NRCAM: variants seen among roughly 807,000 people sequenced by gnomAD.
NRCAM encodes the protein neuronal cell adhesion molecule.
A neutral mutation model predicts 156.5 loss-of-function variants in NRCAM; 83 were observed. The observed-to-expected ratio is 0.53, with a 90% CI of 0.44 to 0.64. NRCAM has a LOEUF of 0.64. NRCAM is among the 30% of genes least tolerant of loss of function. The pLI is 0.00. For synonymous variants in NRCAM, 538 were observed against 563.9 expected, an observed-to-expected ratio of 0.95 and a Z score of 0.65; for missense variants, 1,417 against 1,597.3, an observed-to-expected ratio of 0.89 and a Z score of 1.92.
At chr7:108,451,244 A>G (rs1255219474) in intron 1 of NRCAM, among the ~76,000 whole-genome samples, 1 of 152,098 alleles carries the variant, frequency 6.6e-6, no homozygotes, top group Non-Finnish European at 1.5e-5. Context: ...AAAGAAAGAA[A>G]AAAAAAGTAA....
intron 1 of NRCAM, among the ~76,000 whole-genome samples, chr7:108,409,968 A>T (rs1469240438): frequency 6.6e-6 from 1 of 152,230 alleles, no homozygotes; most frequent in Non-Finnish European, 1.5e-5. Context: ...AAATCAAGCC[A>T]AATATGTGTC....
intron 1 of NRCAM, among the ~76,000 whole-genome samples, chr7:108,402,125 A>G (rs2099794445): frequency 1.3e-5 from 2 of 152,202 alleles, no homozygotes; most frequent in South Asian, 2.1e-4. Context: ...GTCCATCATG[A>G]TATCTGAGTT....
intron 26 of NRCAM, 101 bp downstream of exon 26, chr7:108,177,889 C>T (rs991604849): frequency 4.8e-6 from 5 of 1,031,816 alleles, no homozygotes; most frequent in Admixed American, 2.7e-5. Flanking sequence ...TGTATCGAAA[C>T]ATCACTACGT....
At chr7:108,279,187 C>T (rs73727512) in intron 3 of NRCAM, among the ~76,000 whole-genome samples, 6,510 of 152,258 alleles carry the variant, frequency 0.043, 180 homozygotes, top group South Asian at 0.11. Context: ...TGACTAAAAT[C>T]GCTGGAAAGT....
intron 1 of NRCAM, among the ~76,000 whole-genome samples, chr7:108,415,146 G>A (rs1426958114): frequency 1.3e-5 from 2 of 152,344 alleles, no homozygotes; most frequent in South Asian, 4.1e-4. Context: ...CAAGGAATCT[G>A]GGGGAAGAAA....
chr7:108,286,043 C>T (rs2300011), intron 3 of NRCAM, among the ~76,000 whole-genome samples: 5,539 of 152,136 alleles, frequency 0.036, 163 homozygotes, highest in South Asian at 0.11. Flanking sequence ...TAGTTTCTGT[C>T]GAAACTACTT....
intron 1 of NRCAM, among the ~76,000 whole-genome samples, chr7:108,415,197 T>C (rs1308013037): frequency 6.6e-6 from 1 of 152,192 alleles, no homozygotes; most frequent in Admixed American, 6.5e-5. Context: ...TTCCCTTTCA[T>C]ATCTGCCATC....
chr7:108,338,079 T>C (rs1248794359), intron 2 of NRCAM, among the ~76,000 whole-genome samples: 1 of 152,228 alleles, frequency 6.6e-6, no homozygotes, highest in Non-Finnish European at 1.5e-5. Context: ...CAGCTTCCAC[T>C]TTCAATTTTC....
At chr7:108,266,557 C>A (rs570176614) in intron 3 of NRCAM, among the ~76,000 whole-genome samples, 2 of 152,186 alleles carry the variant, frequency 1.3e-5, no homozygotes, top group Non-Finnish European at 2.9e-5. Context: ...TGGGGGGAAT[C>A]TGAGCTCAAA....
chr7:108,387,267 T>C (rs1318683720), intron 2 of NRCAM, among the ~76,000 whole-genome samples: 1 of 152,168 alleles, frequency 6.6e-6, no homozygotes, highest in South Asian at 2.1e-4. Context: ...TAATAGGGAC[T>C]AAAAGTATGG....
chr7:108,150,621 G>T (rs2040843077), intron 32 of NRCAM: 2 of 500,646 alleles, frequency 4.0e-6, no homozygotes, highest in African/African-American at 2.0e-5. Flanking sequence ...TTCTGAGCCA[G>T]AAGGAGAAGC....
rs541001846 is a variant in NRCAM at position 108,298,638 on chromosome 7, G to A, written c.-107+14027C>T. 4.2e-4 allele frequency among the ~76,000 whole-genome samples: 64 copies of A among 151,154 alleles called. No individual in the cohort carries two copies. In the East Asian group the frequency reaches 0.011, roughly 27 times the overall value. ...ACTGTACTCCAGCCTGGGTAACACA[G>A]CGAGACTCCATCTCAAAAAAAACCA... is the stretch of plus-strand genomic sequence containing the variant. On this transcript the variant is annotated intron_variant, in intron 3 of 32. Coordinates refer to ENST00000379028, the MANE Select transcript of NRCAM (RefSeq NM_001037132.4).
chr7:108,361,828 A>C (rs913525054), intron 2 of NRCAM, among the ~76,000 whole-genome samples: 2 of 152,156 alleles, frequency 1.3e-5, no homozygotes, highest in African/African-American at 4.8e-5. Context: ...TTATATATGT[A>C]TATGTATTAC....
chr7:108,229,331 T>C (rs936625445), intron 8 of NRCAM, among the ~76,000 whole-genome samples: 6 of 152,214 alleles, frequency 3.9e-5, no homozygotes, highest in African/African-American at 9.6e-5. Context: ...GATGTGATTG[T>C]AGCTCACTGC....
chr7:108,253,894 T>C (rs1047149951), intron 3 of NRCAM, among the ~76,000 whole-genome samples: 2 of 152,080 alleles, frequency 1.3e-5, no homozygotes, highest in Non-Finnish European at 2.9e-5. Flanking sequence ...TTACAATTAT[T>C]TACAATGACA....
intron 1 of NRCAM, among the ~76,000 whole-genome samples, chr7:108,405,192 G>A (rs1306532168): frequency 6.6e-6 from 1 of 152,222 alleles, no homozygotes; most frequent in Admixed American, 6.5e-5. Context: ...CCTTACATTT[G>A]TGGTTTGTGA....
intron 3 of NRCAM, among the ~76,000 whole-genome samples, chr7:108,245,237 C>T (rs371012977): frequency 1.3e-5 from 2 of 152,084 alleles, no homozygotes; most frequent in African/African-American, 4.8e-5. Context: ...TGCCTCACCC[C>T]GAGAGGTCCC....
At position 108,234,455 on chromosome 7, in the gene NRCAM, T is replaced by C. The variant is rs939954434; in HGVS notation, c.230+128A>G. On this transcript the variant is annotated intron_variant, in intron 6 of 32. Coordinates refer to ENST00000379028, the MANE Select transcript of NRCAM (RefSeq NM_001037132.4). ...ATCTAGTGAGTCACAGTGAGAAATA[T>C]CCAACTGAAAAAGGAAGTGCTCTAC... 47 of 637,644 alleles carry C rather than the reference T, an allele frequency of 7.4e-5. No homozygotes were observed. The East Asian group carries it at 1.1e-3, about 15-fold the overall frequency. 39.5% of individuals were successfully genotyped at this position (637,644 alleles called of 1,614,324 possible).
chr7:108,398,904 T>TGA (rs5886457), intron 2 of NRCAM, among the ~76,000 whole-genome samples: 29,659 of 152,132 alleles, frequency 0.19, 3,487 homozygotes, highest in South Asian at 0.36. Context: ...TGAAAATAAA[T>TGA]GAAACTATGG....
Sources: gnomAD v4.1 joint callset for allele counts (sites outside exome capture counted in the v4.1 genomes callset) on GRCh38, gnomAD v4.1.1 for gene constraint, MANE v1.5 for transcripts, NCBI Gene and HGNC (gene_info 2026-07-23, HGNC 2026-07-21) for gene names.